The following LARGE1 variants were observed in gnomAD, a reference collection of about 807,000 sequenced individuals.
LARGE1 encodes xylosyl- and glucuronyltransferase LARGE1.
A neutral mutation model predicts 87.6 loss-of-function variants in LARGE1; 43 were observed. The ratio of observed to expected loss-of-function variants is 0.49; its 90% CI spans 0.38 to 0.63. LARGE1 has a LOEUF of 0.63. Among genes scored for constraint, LARGE1 ranks in the 30% least tolerant of loss-of-function variants. The pLI, the probability that LARGE1 is intolerant of heterozygous loss-of-function variation, is 0.00. For missense variants in LARGE1, 802 were observed against 1,000.2 expected (o/e 0.80, Z 2.67); for synonymous variants, 434 against 394.6 (o/e 1.10, Z -1.18).
chr22:33,540,302 C>T (rs1028128334), intron 6 of LARGE1, among the ~76,000 whole-genome samples: 1 of 152,198 alleles, frequency 6.6e-6, no homozygotes, highest in African/African-American at 2.4e-5. Flanking sequence ...CCAAGTCCCC[C>T]CCTGTGCTGT....
At chr22:33,598,777 T>C (rs1026093894) in intron 5 of LARGE1, among the ~76,000 whole-genome samples, 1 of 152,242 alleles carries the variant, frequency 6.6e-6, no homozygotes, top group Non-Finnish European at 1.5e-5. Context: ...CTATCATTGA[T>C]GGGCATTTGG....
At chr22:33,649,999 G>C (rs548409889) in intron 3 of LARGE1, among the ~76,000 whole-genome samples, 1 of 152,300 alleles carries the variant, frequency 6.6e-6, no homozygotes, top group South Asian at 2.1e-4. Flanking sequence ...ACAACTCCAG[G>C]TGTACCATTC....
chr22:33,794,899 C>T (rs1032358301), intron 1 of LARGE1, among the ~76,000 whole-genome samples: 1 of 144,564 alleles, frequency 6.9e-6, no homozygotes, highest in Non-Finnish European at 1.5e-5. Context: ...GGATTACCAT[C>T]GTGAGTCACC....
intron 11 of LARGE1, among the ~76,000 whole-genome samples, chr22:33,263,658 G>C (rs1927768048): frequency 6.6e-6 from 1 of 152,224 alleles, no homozygotes; most frequent in Non-Finnish European, 1.5e-5. Flanking sequence ...CCTGAGCACA[G>C]GTCTGCCATA....
chr22:33,212,757 C>T (rs1925021992), intron 11 of LARGE1, among the ~76,000 whole-genome samples: 1 of 152,116 alleles, frequency 6.6e-6, no homozygotes, highest in Admixed American at 6.5e-5. Flanking sequence ...GTAGCTCATG[C>T]CTGTAATCCC....
chr22:33,333,206 G>T (rs1160935266), intron 10 of LARGE1, among the ~76,000 whole-genome samples: 2 of 152,032 alleles, frequency 1.3e-5, no homozygotes, highest in Non-Finnish European at 2.9e-5. Flanking sequence ...TTTTTAGAGA[G>T]ACAGGGTTTC....
At chr22:33,579,636 C>T (rs542243014) in intron 5 of LARGE1, among the ~76,000 whole-genome samples, 3 of 152,256 alleles carry the variant, frequency 2.0e-5, no homozygotes, top group Admixed American at 6.5e-5. Flanking sequence ...GGGCCTACCC[C>T]AGAAAAACTA....
At chr22:33,496,398 G>A (rs60290628) in intron 6 of LARGE1, among the ~76,000 whole-genome samples, 2,758 of 152,070 alleles carry the variant, frequency 0.018, 83 homozygotes, top group African/African-American at 0.064. Flanking sequence ...TCATGAGGGC[G>A]AAGTCCTCAT....
At chr22:33,316,356 G>A (rs528772810) in intron 10 of LARGE1, 108 bp from the exon 11 acceptor site, 3 of 1,000,346 alleles carry the variant, frequency 3.0e-6, no homozygotes, top group East Asian at 2.6e-5. Flanking sequence ...CCATCAGGAC[G>A]TTGTTGATGG....
At chr22:33,391,942 T>G (rs2065543580) in intron 7 of LARGE1, among the ~76,000 whole-genome samples, 1 of 151,828 alleles carries the variant, frequency 6.6e-6, no homozygotes, top group Non-Finnish European at 1.5e-5. Flanking sequence ...GCTAATTTTT[T>G]GTATTTTTAG....
At chr22:33,876,362 G>T (rs1430500169) in intron 1 of LARGE1, among the ~76,000 whole-genome samples, 1 of 151,924 alleles carries the variant, frequency 6.6e-6, no homozygotes, top group Non-Finnish European at 1.5e-5. Flanking sequence ...AGACACAGGG[G>T]GCAGTGATGG....
chr22:33,404,138 G>A (rs1345503808), intron 7 of LARGE1, among the ~76,000 whole-genome samples: 2 of 152,156 alleles, frequency 1.3e-5, no homozygotes, highest in Non-Finnish European at 2.9e-5. Context: ...GATAAAGAAA[G>A]CTCAGCTGGG....
chr22:33,269,327 T>G (rs1258637610), downstream of LARGE1, among the ~76,000 whole-genome samples: 1 of 152,178 alleles, frequency 6.6e-6, no homozygotes, highest in Non-Finnish European at 1.5e-5. Context: ...TCTGTGAAAG[T>G]CTTAAGGTGA....
chr22:33,426,987 C>T (rs1459936651), intron 7 of LARGE1, among the ~76,000 whole-genome samples: 1 of 152,210 alleles, frequency 6.6e-6, no homozygotes, highest in African/African-American at 2.4e-5. Context: ...CTTCCCTCAC[C>T]TCATTCTCCA....
intron 1 of LARGE1, among the ~76,000 whole-genome samples, chr22:33,815,660 G>A (rs1207547504): frequency 2.0e-5 from 3 of 152,120 alleles, no homozygotes. Flanking sequence ...TCACACACCT[G>A]GGCTTGCCAC....
intron 11 of LARGE1, among the ~76,000 whole-genome samples, chr22:33,253,147 G>A (rs1927087306): frequency 6.6e-6 from 1 of 152,194 alleles, no homozygotes; most frequent in East Asian, 1.9e-4. Context: ...ACCTGAGAAA[G>A]CTACTTAGCC....
At chr22:33,394,822 A>C (rs887069816) in intron 7 of LARGE1, among the ~76,000 whole-genome samples, 3 of 152,012 alleles carry the variant, frequency 2.0e-5, no homozygotes, top group Non-Finnish European at 4.4e-5. Context: ...CCAAAACAAA[A>C]GAGTAGCTCC....
chr22:33,814,103 T>A (rs2086579585), intron 1 of LARGE1, among the ~76,000 whole-genome samples: 1 of 152,160 alleles, frequency 6.6e-6, no homozygotes, highest in Non-Finnish European at 1.5e-5. Flanking sequence ...AAAATTAATA[T>A]CCTTTCCATG....
At chr22:33,158,464 A>T (rs1165620216), downstream of LARGE1, among the ~76,000 whole-genome samples, 2 of 152,236 alleles carry the variant, frequency 1.3e-5, no homozygotes, top group African/African-American at 4.8e-5. Context: ...TGAACAAAAA[A>T]ATAAATATTA....
Sources: gnomAD v4.1 joint callset for allele counts (sites outside exome capture counted in the v4.1 genomes callset) on GRCh38, gnomAD v4.1.1 for gene constraint, MANE v1.5 for transcripts, NCBI Gene and HGNC (gene_info 2026-07-23, HGNC 2026-07-21) for gene names.